The following TNRC6B variants were observed in gnomAD, a reference collection of about 807,000 sequenced individuals.
The protein encoded by TNRC6B is trinucleotide repeat-containing gene 6B protein.
Under a neutral mutation model 203.6 loss-of-function variants are expected in TNRC6B, and 52 were observed. The observed-to-expected ratio is 0.26, with a 90% CI of 0.20 to 0.32. The LOEUF (loss-of-function observed/expected upper bound fraction) is 0.32, where lower values mean the gene tolerates loss of function less well. TNRC6B is among the 10% of genes least tolerant of loss of function. The probability of loss-of-function intolerance (pLI) is 1.00; values close to 1 mark genes in which losing one functional copy is unlikely to be tolerated. For synonymous variants in TNRC6B, 838 were observed against 845.7 expected, an observed-to-expected ratio of 0.99 and a Z score of 0.16; for missense variants, 1,923 against 2,286.2, an observed-to-expected ratio of 0.84 and a Z score of 3.24.
At chr22:40,088,584 T>TGTG (rs2068120522) in intron 1 of TNRC6B, among the ~76,000 whole-genome samples, 6 of 125,136 alleles carry the variant, frequency 4.8e-5, no homozygotes, top group South Asian at 2.9e-4. Context: ...GCGGCTACTT[T>TGTG]TGTGTGTGTG....
At chr22:40,304,904 G>A (rs1001123362) in intron 15 of TNRC6B, among the ~76,000 whole-genome samples, 1 of 152,084 alleles carries the variant, frequency 6.6e-6, no homozygotes, top group Non-Finnish European at 1.5e-5. Flanking sequence ...ATGTGGACAC[G>A]GACTTAGAAC....
chr22:40,054,740 A>G (rs751920703), intron 1 of TNRC6B, among the ~76,000 whole-genome samples: 1 of 152,166 alleles, frequency 6.6e-6, no homozygotes, highest in Admixed American at 6.5e-5. Flanking sequence ...TAGAATTTCT[A>G]AAAAACCTCA....
At chr22:40,271,059 T>A (rs983034492) in intron 6 of TNRC6B, among the ~76,000 whole-genome samples, 1 of 152,166 alleles carries the variant, frequency 6.6e-6, no homozygotes, top group Non-Finnish European at 1.5e-5. Flanking sequence ...CTGGCATAAA[T>A]TTCACTTCAA....
intron 1 of TNRC6B, among the ~76,000 whole-genome samples, chr22:40,207,019 C>G (rs1283884872): frequency 6.6e-6 from 1 of 152,032 alleles, no homozygotes; most frequent in Non-Finnish European, 1.5e-5. Flanking sequence ...AGAATTGCTC[C>G]CCATCTCTTC....
At chr22:40,207,148 T>C (rs1323741100) in intron 1 of TNRC6B, among the ~76,000 whole-genome samples, 2 of 151,976 alleles carry the variant, frequency 1.3e-5, no homozygotes, top group African/African-American at 4.8e-5. Flanking sequence ...ATACACCACA[T>C]ACAAAAATAA....
chr22:40,055,105 G>A (rs1437809063), intron 1 of TNRC6B, among the ~76,000 whole-genome samples: 1 of 152,184 alleles, frequency 6.6e-6, no homozygotes, highest in Non-Finnish European at 1.5e-5. Context: ...TGAATGCATA[G>A]ACATGCTGAA....
chr22:40,284,481 T>A lies in TNRC6B; in HGVS notation c.3583-1164T>A, dbSNP rs1002736541. Among the ~76,000 whole-genome samples the A allele has an allele frequency of 5.5e-4, 84 of 152,242 alleles. 1 individual carries two copies. The highest frequency in any genetic ancestry group is 1.9e-3 in the African/African-American group (79 of 41,464). ...TACTCAGTATAAGCAGTGATGCAGC[T>A]GTCTTTGCTGAAGGTATTCAGTGGG... On this transcript the variant is annotated intron_variant, in intron 11 of 22. Transcript: ENST00000454349.
chr22:40,301,425 G>C lies in TNRC6B; in HGVS notation c.4120+92G>C, dbSNP rs2071021865. 3 of 1,316,906 alleles carry C rather than the reference G, an allele frequency of 2.3e-6. No homozygotes were observed. In the African/African-American group the frequency reaches 4.4e-5, roughly 19 times the overall value. The allele number at this position is 1,316,906 out of a possible 1,614,324, so 81.6% of individuals were successfully genotyped here. The stretch of plus-strand genomic sequence containing the variant: ...CACCTGCATTACCCTCCTTTTTTAT[G>C]TCAGCTGTACAAGGTAGGTAAATAT... On this transcript the variant is annotated intron_variant, in intron 15 of 22. Transcript: ENST00000454349.
chr22:40,139,801 G>A (rs562747583), intron 3 of TNRC6B, among the ~76,000 whole-genome samples: 2 of 152,276 alleles, frequency 1.3e-5, no homozygotes, highest in Middle Eastern at 3.4e-3. Flanking sequence ...TATATACCTA[G>A]GAGTGGAACT....
In TNRC6B at chr22:40,266,338, A is replaced by G. The variant is rs2070479581; in HGVS notation, c.2108A>G (p.Asn703Ser). The G allele has an allele frequency of 1.2e-6, 2 of 1,606,840 alleles. No individual in the cohort carries two copies. The highest frequency in any genetic ancestry group is 1.3e-5 in the African/African-American group (1 of 74,826). ...ACAGGAGGCTGGAATGACTACAAGA[A>G]CAACAACTCTTCCAACTGGGGAGGA... ...KNTGGWNDYK[N>S]NNSSNWGGGR... Residue 703 changes from asparagine (N) to serine (S), a missense_variant, in exon 5 of 23, where the codon AAC (asparagine) becomes AGC (serine). By Grantham distance (46) the Asn-to-Ser change is conservative (BLOSUM62 1). This residue lies in a region of TNRC6B where 599 missense variants were observed against 656.5 expected (regional missense o/e 0.91). Coordinates refer to ENST00000454349, the MANE Select transcript of TNRC6B (RefSeq NM_001162501.2).
intron 1 of TNRC6B, among the ~76,000 whole-genome samples, chr22:40,058,513 G>A (rs180862808): frequency 5.3e-5 from 8 of 152,338 alleles, no homozygotes; most frequent in East Asian, 3.9e-4. Flanking sequence ...GATGCAGCAC[G>A]TTAGCTTTGG....
chr22:40,092,988 A>G (rs972540451), intron 1 of TNRC6B, among the ~76,000 whole-genome samples: 13 of 152,248 alleles, frequency 8.5e-5, no homozygotes, highest in African/African-American at 3.1e-4. Context: ...GTATGCCACT[A>G]TAGAGGTATT....
chr22:40,146,378 T>C (rs1377063362), intron 3 of TNRC6B, among the ~76,000 whole-genome samples: 1 of 150,384 alleles, frequency 6.6e-6, no homozygotes, highest in Non-Finnish European at 1.5e-5. Flanking sequence ...GAAGCTTTCA[T>C]GTAATAATAT....
intron 16 of TNRC6B, among the ~76,000 whole-genome samples, chr22:40,309,467 G>C (rs2071141429): frequency 6.6e-6 from 1 of 152,240 alleles, no homozygotes; most frequent in Admixed American, 6.5e-5. Context: ...CTGGTGAAAT[G>C]CCCACGTGGA....
At chr22:40,072,261 A>T (rs1380304637) in intron 1 of TNRC6B, among the ~76,000 whole-genome samples, 2 of 152,238 alleles carry the variant, frequency 1.3e-5, no homozygotes, top group East Asian at 3.8e-4. Context: ...CAAAAACAGC[A>T]TATAATATAT....
At chr22:40,287,697 G>A (rs774585300) in intron 12 of TNRC6B, among the ~76,000 whole-genome samples, 2 of 152,206 alleles carry the variant, frequency 1.3e-5, no homozygotes, top group African/African-American at 2.4e-5. Flanking sequence ...CAGGCTGACA[G>A]TCATCCATGG....
intron 1 of TNRC6B, among the ~76,000 whole-genome samples, chr22:40,229,078 A>G (rs929120835): frequency 2.6e-5 from 4 of 152,240 alleles, no homozygotes; most frequent in Admixed American, 6.5e-5. Context: ...CTTTGGTTCA[A>G]TTGCCTTATA....
At chr22:40,110,576 C>T (rs1473916702) in intron 1 of TNRC6B, among the ~76,000 whole-genome samples, 1 of 152,226 alleles carries the variant, frequency 6.6e-6, no homozygotes, top group African/African-American at 2.4e-5. Flanking sequence ...TGGGGCCAGG[C>T]TGGAGGGCAT....
intron 1 of TNRC6B, among the ~76,000 whole-genome samples, chr22:40,109,404 C>T (rs181372200): frequency 2.6e-5 from 4 of 152,296 alleles, no homozygotes; most frequent in African/African-American, 7.2e-5. Context: ...CCACCAACAG[C>T]GTAAAAGCGT....
Sources: gnomAD v4.1 joint callset for allele counts (sites outside exome capture counted in the v4.1 genomes callset) on GRCh38, gnomAD v4.1.1 for gene constraint, gnomAD v4.1.1 regional missense constraint, MANE v1.5 for transcripts, NCBI Gene and HGNC (gene_info 2026-07-23, HGNC 2026-07-21) for gene names.